Variants in B3GAT1 observed in about 807,000 individuals in gnomAD.
The protein encoded by B3GAT1 is beta-1,3-glucuronyltransferase 1, also known as galactosylgalactosylxylosylprotein 3-beta-glucuronosyltransferase 1.
A neutral mutation model predicts 28.4 loss-of-function variants in B3GAT1; 11 were observed. The observed-to-expected ratio is 0.39, with a 90% CI of 0.24 to 0.64. The LOEUF is 0.64. Ranked by LOEUF, B3GAT1 falls within the 30% of genes least tolerant of loss-of-function variation. The probability of loss-of-function intolerance (pLI) is 0.50; values close to 1 mark genes in which losing one functional copy is unlikely to be tolerated. For synonymous variants in B3GAT1, 255 were observed against 223.1 expected (o/e 1.14, Z -1.27); for missense variants, 375 against 491.0 (o/e 0.76, Z 2.23).
intron 1 of B3GAT1, among the ~76,000 whole-genome samples, chr11:134,405,278 A>AC (rs1204220806): frequency 6.6e-6 from 1 of 151,836 alleles, no homozygotes; most frequent in Non-Finnish European, 1.5e-5. Context: ...CCCCAAGGGG[A>AC]CCCCCCATCA....
intron 1 of B3GAT1, among the ~76,000 whole-genome samples, chr11:134,403,255 C>T (rs1209259503): frequency 1.3e-5 from 2 of 152,124 alleles, no homozygotes; most frequent in African/African-American, 2.4e-5. Context: ...CTAGGAGTAC[C>T]CGGCCGATTT....
intron 1 of B3GAT1, chr11:134,389,384 G>C (rs1177758977): frequency 2.6e-5 from 4 of 152,568 alleles, no homozygotes; most frequent in Non-Finnish European, 5.9e-5. Flanking sequence ...CCACATTGAG[G>C]GGAGACAGTC....
At chr11:134,397,243 T>A (rs1944522649) in intron 1 of B3GAT1, among the ~76,000 whole-genome samples, 1 of 152,064 alleles carries the variant, frequency 6.6e-6, no homozygotes, top group Non-Finnish European at 1.5e-5. Context: ...CCTTTCCTCC[T>A]CAATTCAGAG....
In B3GAT1 at chr11:134,411,094, C is replaced by T. The variant is rs1215962824; in HGVS notation, c.-282+713G>A. Reference sequence around the variant, plus strand: ...TAGCTGCTTGGTACGGGGCTGTCACCTCCTTACCCTGGCACTGTCGGACCT... The same window carrying T: ...TAGCTGCTTGGTACGGGGCTGTCACTTCCTTACCCTGGCACTGTCGGACCT... On this transcript the variant is annotated intron_variant, in intron 1 of 5. Coordinates refer to ENST00000312527, the MANE Select transcript of B3GAT1 (RefSeq NM_054025.3). This position sits in a 1 kb window ranked among gnomAD's most constrained non-coding sequence, Gnocchi z 6.0. Among the ~76,000 whole-genome samples, 1 of 152,206 alleles carries T rather than the reference C, an allele frequency of 6.6e-6. No homozygotes were observed. The highest frequency in any genetic ancestry group is 1.5e-5 in the Non-Finnish European group (1 of 68,032).
chr11:134,387,757 A>G lies in B3GAT1; in HGVS notation c.-98T>C. On this transcript the variant is annotated 5_prime_UTR_variant, in exon 2 of 6. Transcript: ENST00000312527. ...GCGGCGGCAGCACAGGGGAGAAAAG[A>G]ACAGGCATGGGCCGGGCCGGCCAGG... 1 of 1,568,546 alleles carries G rather than the reference A, an allele frequency of 6.4e-7. No individual in the cohort carries two copies. Among genetic ancestry groups the G allele is most frequent in the Non-Finnish European group, 8.6e-7 (1 of 1,158,668 alleles).
intron 1 of B3GAT1, among the ~76,000 whole-genome samples, chr11:134,401,733 C>T (rs1944617034): frequency 6.6e-6 from 1 of 152,146 alleles, no homozygotes; most frequent in Admixed American, 6.5e-5. Flanking sequence ...AAAATAAATG[C>T]TGAATTTATA....
At chr11:134,395,172 C>T (rs1190224032) in intron 1 of B3GAT1, among the ~76,000 whole-genome samples, 4 of 152,078 alleles carry the variant, frequency 2.6e-5, no homozygotes, top group East Asian at 3.9e-4. Flanking sequence ...CACCGTGTGA[C>T]GACATCACTT....
At chr11:134,386,159 C>G (rs1944279700) in intron 2 of B3GAT1, 1 of 152,260 alleles carries the variant, frequency 6.6e-6, no homozygotes, top group Admixed American at 6.5e-5. Context: ...CAATGTTGAG[C>G]TTGGCCCTTC....
rs1944446628 is a variant in B3GAT1 at position 134,393,367 on chromosome 11, T to A, written c.-281-5427A>T. 6.6e-6 allele frequency among the ~76,000 whole-genome samples: 1 copy of A among 152,198 alleles called. No individual in the cohort carries two copies. Among genetic ancestry groups the A allele is most frequent in the South Asian group, 2.1e-4 (1 of 4,830 alleles). The stretch of plus-strand genomic sequence containing the variant: ...CCGAACGACCCATCCTTGCTGGCTC[T>A]CAGCACTTCCGCTCAGCCGACACGG... On this transcript the variant is annotated intron_variant, in intron 1 of 5. Coordinates refer to ENST00000312527, the MANE Select transcript of B3GAT1 (RefSeq NM_054025.3). This position sits in a 1 kb window ranked among gnomAD's most constrained non-coding sequence, Gnocchi z 4.0.
rs1248056942 is a variant in B3GAT1 at position 134,412,173 on chromosome 11, G to A, written c.-648C>T. The stretch of plus-strand genomic sequence containing the variant: ...GAGGGGCGAGGGGGGCGCGCGGCCG[G>A]AGCCGAGCCGACCGGGCCGGCGCAG... On this transcript the variant is annotated 5_prime_UTR_variant, in exon 1 of 6. Coordinates refer to ENST00000312527, the MANE Select transcript of B3GAT1 (RefSeq NM_054025.3). Among the ~76,000 whole-genome samples the A allele has an allele frequency of 6.9e-6, 1 of 144,570 alleles. No individual in the cohort carries two copies. The highest frequency in any genetic ancestry group is 1.5e-5 in the Non-Finnish European group (1 of 65,140). 94.8% of individuals were successfully genotyped at this position (144,570 alleles called of 152,430 possible).
chr11:134,411,824 G>T lies in B3GAT1; in HGVS notation c.-299C>A, dbSNP rs1309863791. 6.6e-6 allele frequency: 1 copy of T among 151,616 alleles called. No individual in the cohort carries two copies. Among genetic ancestry groups the T allele is most frequent in the Non-Finnish European group, 1.5e-5 (1 of 67,944 alleles). 9.4% of individuals were successfully genotyped at this position (151,616 alleles called of 1,614,324 possible). ...GCACTGACCTGCGGCGACGAGTCCG[G>T]AGCGTCTCCGGTGCGGTCCATCGCG... On this transcript the variant is annotated 5_prime_UTR_variant, in exon 1 of 6. Coordinates refer to ENST00000312527, the MANE Select transcript of B3GAT1 (RefSeq NM_054025.3). This position sits in a 1 kb window ranked among gnomAD's most constrained non-coding sequence, Gnocchi z 6.0.
intron 2 of B3GAT1, chr11:134,384,510 G>C: frequency 2.6e-6 from 1 of 386,514 alleles, no homozygotes; most frequent in Non-Finnish European, 4.6e-6. Context: ...CCTATGAAAA[G>C]GCGTCCCGAC....
chr11:134,383,627 C>T, intron 3 of B3GAT1, 53 bp downstream of exon 3: 1 of 1,466,866 alleles, frequency 6.8e-7, no homozygotes, highest in East Asian at 2.5e-5. Context: ...CGGGAAGCCC[C>T]TCCACTCCCC....
chr11:134,389,297 G>A (rs909913518), intron 1 of B3GAT1: 2 of 152,228 alleles, frequency 1.3e-5, no homozygotes, highest in Admixed American at 6.5e-5. Flanking sequence ...CATCCTTGTG[G>A]AGCACCGCTC....
At chr11:134,409,833 T>TTCC (rs1052248043) in intron 1 of B3GAT1, 1 of 152,582 alleles carries the variant, frequency 6.6e-6, no homozygotes, top group Admixed American at 6.5e-5. Flanking sequence ...CTCTCTCGGA[T>TTCC]TCCTCCTCCT....
At chr11:134,389,930 C>T (rs541464977) in intron 1 of B3GAT1, 17 of 151,896 alleles carry the variant, frequency 1.1e-4, no homozygotes, top group African/African-American at 3.6e-4. Flanking sequence ...CCGGGACGGC[C>T]GGCATCCCCT....
intron 1 of B3GAT1, among the ~76,000 whole-genome samples, chr11:134,400,557 T>C (rs1048538558): frequency 1.3e-5 from 2 of 152,250 alleles, no homozygotes; most frequent in African/African-American, 2.4e-5. Flanking sequence ...TGGCTAGCCA[T>C]GTGCAGAAGA....
chr11:134,388,008 C>T, intron 1 of B3GAT1, 68 bp from the exon 2 acceptor site: 1 of 587,298 alleles, frequency 1.7e-6, no homozygotes, highest in Non-Finnish European at 2.9e-6. Flanking sequence ...CAAGGCTGGG[C>T]CCTGCTCTGG....
At chr11:134,392,646 C>G (rs1944434374) in intron 1 of B3GAT1, among the ~76,000 whole-genome samples, 1 of 152,194 alleles carries the variant, frequency 6.6e-6, no homozygotes, top group Admixed American at 6.5e-5. Flanking sequence ...GCTGAGATTA[C>G]AGGTATGAGC....
Sources: allele counts gnomAD v4.1 joint callset (sites outside exome capture counted in the v4.1 genomes callset), GRCh38; gene constraint gnomAD v4.1.1; non-coding constraint Gnocchi (gnomAD v3.1); transcripts MANE v1.5; gene names NCBI Gene and HGNC (gene_info 2026-07-23, HGNC 2026-07-21).